Variants in GALNT9 observed in about 807,000 individuals in gnomAD.
The protein encoded by GALNT9 is polypeptide N-acetylgalactosaminyltransferase 9.
A neutral mutation model predicts 63.1 loss-of-function variants in GALNT9; 47 were observed. The observed-to-expected ratio is 0.75, with a 90% CI of 0.59 to 0.95. GALNT9 has a LOEUF of 0.95. Among genes scored for constraint, GALNT9 ranks in the 40% least tolerant of loss-of-function variants. The probability of loss-of-function intolerance (pLI) is 0.00; values close to 1 mark genes in which losing one functional copy is unlikely to be tolerated. For synonymous variants in GALNT9, 396 were observed against 365.7 expected (o/e 1.08, Z -0.94); for missense variants, 829 against 874.8 (o/e 0.95, Z 0.66).
chr12:132,239,446 ACAGAGAGG>A (rs1878142686), intron 6 of GALNT9, among the ~76,000 whole-genome samples: 1 of 151,812 alleles, frequency 6.6e-6, no homozygotes, highest in Non-Finnish European at 1.5e-5. Context: ...AGAGTCAGAG[ACAGAGAGG>A]CAGAGAGAGA....
chr12:132,257,313 C>G (rs1188703186), intron 5 of GALNT9, among the ~76,000 whole-genome samples: 2 of 152,178 alleles, frequency 1.3e-5, no homozygotes, highest in Non-Finnish European at 2.9e-5. Context: ...GTGATACAGA[C>G]AAGCTCTGTG....
chr12:132,328,874 C>A, intron 1 of GALNT9, 92 bp downstream of exon 1: 2 of 1,350,214 alleles, frequency 1.5e-6, no homozygotes, highest in Non-Finnish European at 1.9e-6. Flanking sequence ...CGCAGAGGGG[C>A]GCGCACCCGA....
intron 1 of GALNT9, among the ~76,000 whole-genome samples, chr12:132,323,090 G>T (rs576131391): frequency 1.3e-5 from 2 of 152,338 alleles, no homozygotes; most frequent in Admixed American, 6.5e-5. Flanking sequence ...TGACCACACG[G>T]GTCTCAAGAC....
At chr12:132,306,622 G>A (rs1881624780) in intron 1 of GALNT9, among the ~76,000 whole-genome samples, 1 of 152,182 alleles carries the variant, frequency 6.6e-6, no homozygotes, top group African/African-American at 2.4e-5. Context: ...AGTGCCATGG[G>A]GCACCCACTT....
chr12:132,205,506 T>TGCTCAGCTCA (rs370241683), intron 6 of GALNT9: 2 of 152,226 alleles, frequency 1.3e-5, no homozygotes, highest in African/African-American at 4.8e-5. Context: ...GCCTCCTCGC[T>TGCTCAGCTCA]GCTCAGCTCA....
In GALNT9 at chr12:132,327,341, T is replaced by C. The variant is rs1869082202; in HGVS notation, c.238+1625A>G. On this transcript the variant is annotated intron_variant, in intron 1 of 10. Transcript: ENST00000328957. This position sits in a 1 kb window ranked among gnomAD's most constrained non-coding sequence, Gnocchi z 4.3. ...GGAATGCTTCCTTATCTCCCGCCAATGTCAGCAAAGCGGATCATGGGTCCT... is the reference window on the plus strand; with the variant it reads ...GGAATGCTTCCTTATCTCCCGCCAACGTCAGCAAAGCGGATCATGGGTCCT... 6.6e-6 allele frequency among the ~76,000 whole-genome samples: 1 copy of C among 151,806 alleles called. No homozygotes were observed. Among genetic ancestry groups the C allele is most frequent in the Admixed American group, 6.6e-5 (1 of 15,256 alleles).
At chr12:132,222,679 G>A (rs1019432113) in intron 6 of GALNT9, among the ~76,000 whole-genome samples, 1 of 151,892 alleles carries the variant, frequency 6.6e-6, no homozygotes, top group African/African-American at 2.4e-5. Flanking sequence ...GGCACTTCCT[G>A]CATGCCTGTC....
In GALNT9 at chr12:132,286,591, A is replaced by C; in HGVS notation, c.239-161T>G. 9.0e-6 allele frequency: 11 copies of C among 1,223,050 alleles called. No homozygotes were observed. The highest frequency in any genetic ancestry group is 1.1e-5 in the Non-Finnish European group (10 of 908,158). The allele number at this position is 1,223,050 out of a possible 1,614,324, so 75.8% of individuals were successfully genotyped here. ...GGCTGCCAGCTCAGGACATTCCAGA[A>C]AGTGCAAGGCTGTGCGCGGAGTGAG... On this transcript the variant is annotated intron_variant, in intron 1 of 10. Transcript: ENST00000328957. The surrounding 1 kb of genome is among the most constrained non-coding windows in gnomAD (Gnocchi z 7.4).
At chr12:132,235,726 C>T (rs1877981319) in intron 6 of GALNT9, among the ~76,000 whole-genome samples, 2 of 119,862 alleles carry the variant, frequency 1.7e-5, no homozygotes, top group African/African-American at 3.6e-5. Flanking sequence ...GCAGGAGGGT[C>T]CCCCGGGCTG....
intron 5 of GALNT9, among the ~76,000 whole-genome samples, chr12:132,251,379 T>C (rs1289460890): frequency 1.3e-5 from 2 of 152,214 alleles, no homozygotes; most frequent in Non-Finnish European, 2.9e-5. Context: ...GGCAGGAAGC[T>C]GTGAAACAGG....
chr12:132,201,372 TC>T (rs999024139), intron 7 of GALNT9, 111 bp from the exon 8 acceptor site: 9 of 672,798 alleles, frequency 1.3e-5, no homozygotes, highest in East Asian at 2.7e-5. Context: ...AGGAGCAGCC[TC>T]CCCCCCAGTA....
chr12:132,291,977 A>C, intron 1 of GALNT9, among the ~76,000 whole-genome samples: 1 of 151,432 alleles, frequency 6.6e-6, no homozygotes, highest in South Asian at 2.1e-4. Flanking sequence ...TCGCATCCTC[A>C]CTCACAGTAT....
At chr12:132,274,016 G>C (rs575783913) in intron 2 of GALNT9, 1 of 152,962 alleles carries the variant, frequency 6.5e-6, no homozygotes, top group East Asian at 1.9e-4. Flanking sequence ...GCAGGTCAGA[G>C]AAAAGCCAGA....
chr12:132,292,197 C>G (rs147702033), intron 1 of GALNT9, among the ~76,000 whole-genome samples: 1 of 152,250 alleles, frequency 6.6e-6, no homozygotes, highest in African/African-American at 2.4e-5. Flanking sequence ...CCCTCCGCTA[C>G]GCTCTCTGCT....
rs112620637 is a variant in GALNT9 at position 132,197,092 on chromosome 12, C to T, written c.*15G>A. On this transcript the variant is annotated 3_prime_UTR_variant, in exon 11 of 11. Coordinates refer to ENST00000328957, the MANE Select transcript of GALNT9 (RefSeq NM_001122636.2). ...CGCCTTCCCGAGGTCTGTGGGGGTC[C>T]GGGCGGAGGTGGGGTCAGTGCCGTG... The T allele has an allele frequency of 2.6e-3, 4,144 of 1,613,072 alleles. 94 individuals are homozygous for T. In the African/African-American group the frequency reaches 0.046, roughly 18 times the overall value.
intron 1 of GALNT9, among the ~76,000 whole-genome samples, chr12:132,301,790 C>T (rs1593114351): frequency 1.3e-5 from 2 of 152,336 alleles, no homozygotes; most frequent in African/African-American, 2.4e-5. Context: ...GGATGCGGCT[C>T]CAGGGGGGCA....
At chr12:132,218,888 G>A (rs933346276) in intron 6 of GALNT9, among the ~76,000 whole-genome samples, 23 of 152,176 alleles carry the variant, frequency 1.5e-4, no homozygotes, top group Non-Finnish European at 3.1e-4. Flanking sequence ...GAGAAACAGC[G>A]TCTTCCTTCC....
At chr12:132,251,746 GAAT>G (rs35500704) in intron 5 of GALNT9, among the ~76,000 whole-genome samples, 25,354 of 152,142 alleles carry the variant, frequency 0.17, 2,290 homozygotes, top group Middle Eastern at 0.29. Flanking sequence ...GCTTTGGAGG[GAAT>G]AATTTCCGAG....
At chr12:132,198,838 G>C (rs540972773) in intron 9 of GALNT9, among the ~76,000 whole-genome samples, 14 of 152,092 alleles carry the variant, frequency 9.2e-5, no homozygotes, top group Admixed American at 8.5e-4. Context: ...TTTTTGTAGC[G>C]ACAGGGTTTC....
Sources: allele counts gnomAD v4.1 joint callset (sites outside exome capture counted in the v4.1 genomes callset), GRCh38; gene constraint gnomAD v4.1.1; non-coding constraint Gnocchi (gnomAD v3.1); transcripts MANE v1.5; gene names NCBI Gene and HGNC (gene_info 2026-07-23, HGNC 2026-07-21).